LIG1: variants seen among roughly 807,000 people sequenced by gnomAD.
LIG1 encodes the protein DNA ligase 1, also known as ligase I, DNA, ATP-dependent.
Under a neutral mutation model 115.7 loss-of-function variants are expected in LIG1, and 70 were observed. That is an observed-to-expected ratio of 0.60 (90% CI 0.50 to 0.74). LIG1 has a LOEUF of 0.74. Among genes scored for constraint, LIG1 ranks in the 30% least tolerant of loss-of-function variants. The pLI is 0.00. For synonymous variants in LIG1, 487 were observed against 495.3 expected (o/e 0.98, Z 0.22); for missense variants, 1,115 against 1,225.6 (o/e 0.91, Z 1.35).
chr19:48,142,067 C>G (rs947705490), intron 11 of LIG1, among the ~76,000 whole-genome samples: 6 of 151,448 alleles, frequency 4.0e-5, no homozygotes, highest in Admixed American at 2.6e-4. Context: ...TTTGGGAGGC[C>G]GAGGCGGGCC....
At chr19:48,127,776 C>G (rs2033766636) in intron 20 of LIG1, 134 bp downstream of exon 20, 2 of 817,010 alleles carry the variant, frequency 2.4e-6, no homozygotes, top group Non-Finnish European at 4.4e-6. Flanking sequence ...GGCAGCCATT[C>G]TGCAGAAGGC....
intron 6 of LIG1, among the ~76,000 whole-genome samples, chr19:48,153,389 C>A (rs1300869726): frequency 6.8e-6 from 1 of 147,322 alleles, no homozygotes; most frequent in Non-Finnish European, 1.5e-5. Flanking sequence ...GTAAAATTTA[C>A]AAGGAAAAGG....
intron 1 of LIG1, among the ~76,000 whole-genome samples, chr19:48,166,184 GTCA>G (rs1350339373): frequency 2.0e-5 from 3 of 152,168 alleles, no homozygotes; most frequent in Non-Finnish European, 4.4e-5. Flanking sequence ...ATCACTTGAG[GTCA>G]GGAGTTCAAG....
intron 4 of LIG1, among the ~76,000 whole-genome samples, chr19:48,160,415 G>A (rs906111412): frequency 2.0e-5 from 3 of 152,160 alleles, no homozygotes; most frequent in African/African-American, 4.8e-5. Flanking sequence ...AGGATGGAGC[G>A]AGCTGAGGAG....
chr19:48,147,433 C>G (rs1365627398), intron 9 of LIG1: 2 of 151,424 alleles, frequency 1.3e-5, no homozygotes, highest in Non-Finnish European at 3.0e-5. Flanking sequence ...TTCCAGCATT[C>G]TGGGAGGCTG....
intron 21 of LIG1, among the ~76,000 whole-genome samples, chr19:48,126,006 A>G (rs2122448690): frequency 7.4e-6 from 1 of 135,876 alleles, no homozygotes; most frequent in East Asian, 2.3e-4. Context: ...AAAAAAAAAA[A>G]GATTATCTGG....
Position 48,121,176 on chromosome 19 carries a change from T to C in LIG1, c.2379A>G (p.Ile793Met), listed in dbSNP as rs528082507. ...AGCCCCAGTTCCCCAGGACCTTGCA[T>C]ATGGCCTGCAGCTCCTCACTGTCCT... ...YDEDSEELQAICKLGTGFSDE... is the reference protein window; with the variant it reads ...YDEDSEELQAMCKLGTGFSDE... Residue 793 changes from isoleucine (I) to methionine (M), a missense_variant, in exon 24 of 28, where the codon ATA becomes ATG. Physicochemically the swap from Ile to Met is conservative, Grantham distance 10. Coordinates refer to ENST00000263274, the MANE Select transcript of LIG1 (RefSeq NM_000234.3). 6 of 1,614,024 alleles carry C rather than the reference T, an allele frequency of 3.7e-6. No homozygotes were observed. Among genetic ancestry groups the C allele is most frequent in the Non-Finnish European group, 5.1e-6 (6 of 1,180,028 alleles).
intron 18 of LIG1, among the ~76,000 whole-genome samples, chr19:48,132,587 C>G (rs919172557): frequency 2.0e-5 from 3 of 151,564 alleles, no homozygotes; most frequent in Middle Eastern, 3.4e-3. Flanking sequence ...GTCAAGAGAT[C>G]GAGACCATCT....
rs149674921 is a variant in LIG1, at chr19:48,119,343, G to A, written c.2386-153C>T. On this transcript the variant is annotated intron_variant, in intron 24 of 27. Transcript: ENST00000263274. ...CAGGGAAGTAGGGAGCTGGGGGTGC[G>A]GAGCATCCATCCAGAGACTCCCGGG... is the stretch of plus-strand genomic sequence containing the variant. 2.8e-3 allele frequency among the ~76,000 whole-genome samples: 432 copies of A among 152,186 alleles called. 5 individuals carry two copies. Among genetic ancestry groups the A allele is most frequent in the African/African-American group, 9.6e-3 (398 of 41,512 alleles).
At chr19:48,135,184 C>G (rs1042587890) in intron 16 of LIG1, among the ~76,000 whole-genome samples, 1 of 152,208 alleles carries the variant, frequency 6.6e-6, no homozygotes, top group African/African-American at 2.4e-5. Context: ...CTCTGTTGCC[C>G]AGGCTGGAAC....
intron 21 of LIG1, 134 bp from the exon 22 acceptor site, chr19:48,123,452 A>G: frequency 9.8e-7 from 1 of 1,018,740 alleles, no homozygotes; most frequent in Non-Finnish European, 1.5e-6. Context: ...TTGAGAGGGA[A>G]GAACCCTGAT....
intron 4 of LIG1, 79 bp from the exon 5 acceptor site, chr19:48,157,219 C>T (rs1568545969): frequency 4.1e-6 from 6 of 1,450,174 alleles, no homozygotes; most frequent in Non-Finnish European, 5.6e-6. Flanking sequence ...GTAGAGGGGA[C>T]TGAAACCTCT....
At chr19:48,157,273 AG>A (rs2035911935) in intron 4 of LIG1, 133 bp from the exon 5 acceptor site, 1 of 994,180 alleles carries the variant, frequency 1.0e-6, no homozygotes, top group Non-Finnish European at 1.4e-6. Context: ...GCCCTAACTC[AG>A]GGGTGGCCTC....
chr19:48,165,075 G>A (rs1294340969), intron 2 of LIG1, among the ~76,000 whole-genome samples: 4 of 152,246 alleles, frequency 2.6e-5, no homozygotes, highest in Non-Finnish European at 5.9e-5. Context: ...CCTGACCAAC[G>A]TGGTGAAACC....
intron 2 of LIG1, among the ~76,000 whole-genome samples, chr19:48,164,306 C>T (rs763870237): frequency 2.0e-5 from 3 of 152,202 alleles, no homozygotes; most frequent in African/African-American, 2.4e-5. Flanking sequence ...GGGAGAAAAA[C>T]GGAACCCAGC....
chr19:48,163,752 G>A (rs372068608), intron 2 of LIG1, among the ~76,000 whole-genome samples: 78 of 152,094 alleles, frequency 5.1e-4, no homozygotes, highest in Middle Eastern at 3.4e-3. Context: ...GACCATCCTG[G>A]CTAACACGGT....
At position 48,147,002 on chromosome 19, in the gene LIG1, C is replaced by T. The variant is rs1355187389; in HGVS notation, c.776+2761G>A. ...AGGAATACTGCAGAGAGGACGTTAA[C>T]GTGCTATTTAACCTCCTTGATAAGG... On this transcript the variant is annotated intron_variant, in intron 9 of 27. Transcript: ENST00000263274. Among the ~76,000 whole-genome samples, 9 of 152,314 alleles carry T rather than the reference C, an allele frequency of 5.9e-5. No homozygotes were observed. In the South Asian group the frequency reaches 1.0e-3, roughly 18 times the overall value.
At chr19:48,125,280 C>G (rs912039675) in intron 21 of LIG1, among the ~76,000 whole-genome samples, 6 of 152,012 alleles carry the variant, frequency 3.9e-5, no homozygotes, top group African/African-American at 1.5e-4. Flanking sequence ...GCAGAAAAAC[C>G]CACAAAGTAT....
chr19:48,141,316 G>A (rs2034734660), intron 11 of LIG1, among the ~76,000 whole-genome samples: 1 of 152,142 alleles, frequency 6.6e-6, no homozygotes, highest in Non-Finnish European at 1.5e-5. Flanking sequence ...ATTTTTAGTA[G>A]AGACGGGGTT....
Sources: gnomAD v4.1 joint callset for allele counts (sites outside exome capture counted in the v4.1 genomes callset) on GRCh38, gnomAD v4.1.1 for gene constraint, MANE v1.5 for transcripts, NCBI Gene and HGNC (gene_info 2026-07-23, HGNC 2026-07-21) for gene names.